The following ANKRD42 variants were observed in gnomAD, a reference collection of about 807,000 sequenced individuals.
ANKRD42 encodes the protein ankyrin repeat domain 42, also known as ankyrin repeat domain-containing protein 42.
Under a neutral mutation model 51.5 loss-of-function variants are expected in ANKRD42, and 43 were observed. The ratio of observed to expected loss-of-function variants is 0.83; its 90% CI spans 0.65 to 1.08. The LOEUF is 1.08. ANKRD42 is among the 50% of genes least tolerant of loss of function. ANKRD42 has a pLI of 0.00. For missense variants in ANKRD42, 608 were observed against 629.3 expected, an observed-to-expected ratio of 0.97 and a Z score of 0.36; for synonymous variants, 203 against 213.0, an observed-to-expected ratio of 0.95 and a Z score of 0.41.
intron 5 of ANKRD42, among the ~76,000 whole-genome samples, chr11:83,217,394 G>A (rs1359519398): frequency 6.6e-6 from 1 of 152,190 alleles, no homozygotes; most frequent in East Asian, 1.9e-4. Flanking sequence ...AACAAGAAAG[G>A]CATGTGAAAA....
At chr11:83,242,447 T>C (rs896017567) in intron 9 of ANKRD42, among the ~76,000 whole-genome samples, 1 of 149,992 alleles carries the variant, frequency 6.7e-6, no homozygotes, top group African/African-American at 2.5e-5. Flanking sequence ...AGATTTGGTG[T>C]ATTTAGAAGA....
intron 5 of ANKRD42, among the ~76,000 whole-genome samples, chr11:83,220,415 G>T (rs185597177): frequency 6.6e-6 from 1 of 152,128 alleles, no homozygotes; most frequent in Non-Finnish European, 1.5e-5. Context: ...ACCACGTGAC[G>T]ATCTAGATGC....
chr11:83,216,516 G>A (rs1862539941), intron 5 of ANKRD42, among the ~76,000 whole-genome samples: 1 of 151,908 alleles, frequency 6.6e-6, no homozygotes. Flanking sequence ...AGTAGAGACG[G>A]GGTTTCACCG....
Position 83,248,346 on chromosome 11 carries a change from A to T in ANKRD42, c.*142A>T. On this transcript the variant is annotated 3_prime_UTR_variant, in exon 11 of 11. Transcript: ENST00000533342. ...ACACACACACACACACTCTATATGT[A>T]ACTATAACTTTCTAGATACATACAC... The T allele has an allele frequency of 1.1e-5, 15 of 1,365,706 alleles. No individual in the cohort carries two copies. The highest frequency in any genetic ancestry group is 1.4e-5 in the Non-Finnish European group (15 of 1,067,866). 84.6% of individuals were successfully genotyped at this position (1,365,706 alleles called of 1,614,324 possible). A position where few individuals can be genotyped will look rare whatever the true frequency, so the allele number is the denominator to read the frequency against.
At chr11:83,202,189 C>A (rs1205194145) in intron 2 of ANKRD42, among the ~76,000 whole-genome samples, 1 of 152,092 alleles carries the variant, frequency 6.6e-6, no homozygotes, top group Non-Finnish European at 1.5e-5. Context: ...AGAAAGGGAT[C>A]CAGTTTCAGT....
At chr11:83,226,230 C>G (rs1590991506) in intron 6 of ANKRD42, among the ~76,000 whole-genome samples, 1 of 152,000 alleles carries the variant, frequency 6.6e-6, no homozygotes. Context: ...CACACACATA[C>G]ACACACACAT....
rs1420038667 is a variant in ANKRD42, at chr11:83,243,966, CCTTTTTTTTTTTT to C, written c.1196-1531_1196-1519del. ...GGCGTGAACCACCTCGCCTGGCTGC[CCTTTTTTTTTTTT>C]TTTTTTTTTTTTTTTTTATTGAGAC... is the stretch of plus-strand genomic sequence containing the variant. On this transcript the variant is annotated intron_variant, in intron 9 of 10. Transcript: ENST00000533342. Among the ~76,000 whole-genome samples the C allele has an allele frequency of 1.3e-4, 12 of 91,952 alleles. No individual in the cohort carries two copies. The East Asian group carries it at 3.5e-3, about 27-fold the overall frequency. 60.3% of individuals were successfully genotyped at this position (91,952 alleles called of 152,430 possible).
At chr11:83,222,632 A>G (rs1486484466) in intron 5 of ANKRD42, among the ~76,000 whole-genome samples, 2 of 152,244 alleles carry the variant, frequency 1.3e-5, no homozygotes, top group African/African-American at 4.8e-5. Context: ...TAGAGGTAAC[A>G]GCAAGTGTAA....
intron 7 of ANKRD42, among the ~76,000 whole-genome samples, chr11:83,232,701 T>C (rs1863110230): frequency 6.6e-6 from 1 of 152,136 alleles, no homozygotes; most frequent in Non-Finnish European, 1.5e-5. Flanking sequence ...ATATTCACTA[T>C]TATACTAGCT....
chr11:83,245,453 G>A, intron 9 of ANKRD42, 45 bp from the exon 10 acceptor site: 1 of 1,525,160 alleles, frequency 6.6e-7, no homozygotes, highest in Non-Finnish European at 8.8e-7. Flanking sequence ...GGACACATGA[G>A]CTGTTATATG....
At chr11:83,249,181 A>G (rs189192414), downstream of ANKRD42, among the ~76,000 whole-genome samples, 18 of 152,250 alleles carry the variant, frequency 1.2e-4, no homozygotes, top group Admixed American at 9.8e-4. Context: ...TCAAAAGTAG[A>G]AAGGTAAGTT....
At position 83,236,411 on chromosome 11, in the gene ANKRD42, A is replaced by G. The variant is rs1316846011; in HGVS notation, c.921A>G (p.Gly307=). ...NGSTPMHKAA[G]QGHIECLQWL... is the part of the protein sequence containing the mutation. ...TTTCCTTTTTTTGAACAGCTGCTGG[A>G]CAAGGCCACATAGAGTGTTTGCAGT... Residue 307 remains glycine, a synonymous_variant, in exon 8 of 11, where the codon GGA becomes GGG. Transcript: ENST00000533342. The G allele has an allele frequency of 3.7e-6, 6 of 1,605,552 alleles. No individual in the cohort carries two copies. The East Asian group carries it at 1.1e-4, about 30-fold the overall frequency.
intron 5 of ANKRD42, chr11:83,214,510 T>C: frequency 2.0e-6 from 2 of 980,736 alleles, no homozygotes; most frequent in Non-Finnish European, 2.4e-6. Context: ...GGTAGAGTAT[T>C]TATAATAATA....
chr11:83,262,181 A>G (rs1041797864), downstream of ANKRD42, among the ~76,000 whole-genome samples: 1 of 152,186 alleles, frequency 6.6e-6, no homozygotes. Context: ...GTATATTAAA[A>G]TGTAAATTAT....
chr11:83,232,602 T>C (rs1167830190), intron 7 of ANKRD42, among the ~76,000 whole-genome samples: 1 of 152,218 alleles, frequency 6.6e-6, no homozygotes, highest in African/African-American at 2.4e-5. Context: ...TCTTGTCTTA[T>C]TGCTCTAGCT....
chr11:83,207,442 T>A (rs1862120741), intron 3 of ANKRD42, among the ~76,000 whole-genome samples: 1 of 151,992 alleles, frequency 6.6e-6, no homozygotes, highest in Non-Finnish European at 1.5e-5. Flanking sequence ...AAAATATAGA[T>A]GAGAAGAATT....
chr11:83,236,288 A>G (rs1042358062), intron 7 of ANKRD42, 116 bp from the exon 8 acceptor site: 2 of 630,364 alleles, frequency 3.2e-6, no homozygotes, highest in African/African-American at 3.7e-5. Context: ...AGTTACTGCA[A>G]GGATCAATAC....
At chr11:83,207,965 G>T (rs1475072728) in intron 3 of ANKRD42, among the ~76,000 whole-genome samples, 1 of 152,158 alleles carries the variant, frequency 6.6e-6, no homozygotes, top group Non-Finnish European at 1.5e-5. Context: ...TGTATAGAAA[G>T]AGAGTTTTTC....
intron 4 of ANKRD42, among the ~76,000 whole-genome samples, chr11:83,210,988 G>T (rs141117356): frequency 8.2e-4 from 125 of 152,310 alleles, no homozygotes; most frequent in African/African-American, 2.8e-3. Flanking sequence ...TATTCTCAAT[G>T]ATAGTATTTG....
Sources: allele counts gnomAD v4.1 joint callset (sites outside exome capture counted in the v4.1 genomes callset), GRCh38; gene constraint gnomAD v4.1.1; transcripts MANE v1.5; gene names NCBI Gene and HGNC (gene_info 2026-07-23, HGNC 2026-07-21).